TAF3: variants seen among roughly 807,000 people sequenced by gnomAD.
TAF3 encodes the protein transcription initiation factor TFIID subunit 3.
Under a neutral mutation model 80.6 loss-of-function variants are expected in TAF3, and 7 were observed. The ratio of observed to expected loss-of-function variants is 0.09; its 90% CI spans 0.05 to 0.16. The LOEUF (loss-of-function observed/expected upper bound fraction) is 0.16, where lower values mean the gene tolerates loss of function less well. Among genes scored for constraint, TAF3 ranks in the 10% least tolerant of loss-of-function variants. TAF3 has a pLI of 1.00. For synonymous variants in TAF3, 444 were observed against 446.1 expected (o/e 1.00, Z 0.06); for missense variants, 921 against 1,140.2 (o/e 0.81, Z 2.77).
At chr10:7,870,209 ACT>A (rs1250055169) in intron 2 of TAF3, among the ~76,000 whole-genome samples, 1 of 152,088 alleles carries the variant, frequency 6.6e-6, no homozygotes, top group East Asian at 1.9e-4. Context: ...GAATCATAAA[ACT>A]CTGATCCCAA....
chr10:7,977,227 G>A lies in TAF3; in HGVS notation c.2233-14G>A. ...GAAAAACCATATTGAACTTTAATGT[G>A]CTAACTTCCACAGATAAAAGTGGAA... On this transcript the variant is annotated splice_polypyrimidine_tract_variant and intron_variant, in intron 3 of 6. Transcript: ENST00000344293. 6.2e-7 allele frequency: 1 copy of A among 1,613,682 alleles called. No homozygotes were observed. Among genetic ancestry groups the A allele is most frequent in the South Asian group, 1.1e-5 (1 of 91,034 alleles).
intron 2 of TAF3, among the ~76,000 whole-genome samples, chr10:7,947,006 C>G: frequency 6.6e-6 from 1 of 152,210 alleles, no homozygotes. Flanking sequence ...AAGAGATCCT[C>G]TCACCTCAGC....
At chr10:7,826,984 G>A (rs1388693972) in intron 2 of TAF3, among the ~76,000 whole-genome samples, 1 of 152,068 alleles carries the variant, frequency 6.6e-6, no homozygotes, top group East Asian at 1.9e-4. Context: ...ATTTCCTTAA[G>A]AGCCACAGAC....
At chr10:7,906,141 C>T (rs1837606784) in intron 2 of TAF3, among the ~76,000 whole-genome samples, 1 of 152,182 alleles carries the variant, frequency 6.6e-6, no homozygotes. Context: ...GATATTTCAT[C>T]TCTTGTCCAA....
intron 2 of TAF3, among the ~76,000 whole-genome samples, chr10:7,926,961 G>A (rs1021589078): frequency 9.9e-5 from 15 of 152,108 alleles, no homozygotes; most frequent in African/African-American, 3.4e-4. Flanking sequence ...GTATTCTAGG[G>A]GTTGAGAATC....
intron 2 of TAF3, among the ~76,000 whole-genome samples, chr10:7,878,525 CA>C (rs1202623749): frequency 6.6e-6 from 1 of 152,074 alleles, no homozygotes; most frequent in Non-Finnish European, 1.5e-5. Context: ...TGTGGAAAGT[CA>C]TCAGGCCACA....
At chr10:8,008,092 C>CTTTT (rs1162726965) in intron 4 of TAF3, among the ~76,000 whole-genome samples, 30 of 106,026 alleles carry the variant, frequency 2.8e-4, no homozygotes, top group African/African-American at 3.2e-4. Flanking sequence ...TGGGAACAAT[C>CTTTT]TTTTTTTTTT....
chr10:7,948,054 T>TTA (rs1296583866), intron 2 of TAF3, among the ~76,000 whole-genome samples: 4 of 150,162 alleles, frequency 2.7e-5, no homozygotes, highest in African/African-American at 9.8e-5. Flanking sequence ...ATATAGTACT[T>TTA]TATGACTCTG....
intron 2 of TAF3, among the ~76,000 whole-genome samples, chr10:7,959,998 C>G (rs1165266599): frequency 1.3e-5 from 2 of 152,164 alleles, no homozygotes; most frequent in African/African-American, 2.4e-5. Flanking sequence ...GGAGAACACA[C>G]ACTGTTAGAG....
chr10:7,858,032 A>T (rs1837099995), intron 2 of TAF3, among the ~76,000 whole-genome samples: 1 of 151,882 alleles, frequency 6.6e-6, no homozygotes, highest in Admixed American at 6.6e-5. Context: ...GACAGCTTAC[A>T]AAGAGGTTTG....
intron 2 of TAF3, among the ~76,000 whole-genome samples, chr10:7,899,704 A>G (rs1328504660): frequency 6.6e-6 from 1 of 152,204 alleles, no homozygotes; most frequent in Admixed American, 6.5e-5. Flanking sequence ...ACTAAATAAA[A>G]TGATTTATGT....
intron 2 of TAF3, among the ~76,000 whole-genome samples, chr10:7,873,660 TC>T (rs1837289293): frequency 9.5e-6 from 1 of 105,204 alleles, no homozygotes; most frequent in Admixed American, 9.0e-5. Context: ...TTGAGGGGAG[TC>T]CCCCACTCCC....
chr10:7,946,295 C>T (rs112146061), intron 2 of TAF3, among the ~76,000 whole-genome samples: 1 of 152,326 alleles, frequency 6.6e-6, no homozygotes, highest in East Asian at 1.9e-4. Flanking sequence ...ACACAAAACT[C>T]GTTACGCAGT....
chr10:7,989,829 T>G (rs1831816569), intron 4 of TAF3, among the ~76,000 whole-genome samples: 1 of 152,220 alleles, frequency 6.6e-6, no homozygotes, highest in African/African-American at 2.4e-5. Flanking sequence ...TGACTGGTAC[T>G]GGTCCATTGG....
intron 5 of TAF3, among the ~76,000 whole-genome samples, chr10:8,012,371 G>A (rs191733806): frequency 1.1e-3 from 161 of 152,274 alleles, no homozygotes; most frequent in Non-Finnish European, 1.9e-3. Context: ...CCATTCATAA[G>A]CTACCCAGAG....
At chr10:7,824,192 T>C in intron 1 of TAF3, 126 bp from the exon 2 acceptor site, 2 of 1,096,314 alleles carry the variant, frequency 1.8e-6, no homozygotes, top group Non-Finnish European at 2.6e-6. Context: ...ATTAAATTCT[T>C]TCCAATAACT....
At position 8,008,928 on chromosome 10, in the gene TAF3, A is replaced by G. The variant is rs1832023452; in HGVS notation, c.2316-150A>G. 4.4e-6 allele frequency: 5 copies of G among 1,128,822 alleles called. No individual in the cohort carries two copies. The South Asian group carries it at 6.6e-5, about 15-fold the overall frequency. 69.9% of individuals were successfully genotyped at this position (1,128,822 alleles called of 1,614,324 possible). ...AGTAAGTGGAGAGGCCACTTCATGC[A>G]GGGCCTGGAACTCAGTTCTTGAGCT... On this transcript the variant is annotated intron_variant, in intron 4 of 6. Transcript: ENST00000344293.
chr10:7,896,475 ACTCAGC>A (rs1203596038), intron 2 of TAF3, among the ~76,000 whole-genome samples: 1 of 151,892 alleles, frequency 6.6e-6, no homozygotes, highest in African/African-American at 2.4e-5. Flanking sequence ...CCTGCCACCC[ACTCAGC>A]CAGCTGGGAA....
chr10:7,991,119 G>A (rs560556977), intron 4 of TAF3, among the ~76,000 whole-genome samples: 18 of 151,856 alleles, frequency 1.2e-4, no homozygotes, highest in Non-Finnish European at 2.1e-4. Context: ...CAGTCGTCTC[G>A]TCTTGCCTCA....
Sources: allele counts gnomAD v4.1 joint callset (sites outside exome capture counted in the v4.1 genomes callset), GRCh38; gene constraint gnomAD v4.1.1; transcripts MANE v1.5; gene names NCBI Gene and HGNC (gene_info 2026-07-23, HGNC 2026-07-21).